Variants in ROBO2 observed in about 807,000 individuals in gnomAD.
The protein encoded by ROBO2 is roundabout guidance receptor 2.
A neutral mutation model predicts 160.8 loss-of-function variants in ROBO2; 53 were observed. The ratio of observed to expected loss-of-function variants is 0.33; its 90% confidence interval spans 0.26 to 0.41. The LOEUF (loss-of-function observed/expected upper bound fraction) is 0.41, where lower values mean the gene tolerates loss of function less well. ROBO2 is among the 10% of genes least tolerant of loss of function. The pLI, the probability that ROBO2 is intolerant of heterozygous loss-of-function variation, is 1.00. For synonymous variants in ROBO2, 664 were observed against 611.7 expected, an observed-to-expected ratio of 1.09 and a Z score of -1.26; for missense variants, 1,577 against 1,722.4, an observed-to-expected ratio of 0.92 and a Z score of 1.49.
chr3:76,065,749 A>ATATATAAG (rs879819524), intron 2 of ROBO2, among the ~76,000 whole-genome samples: 1 of 149,064 alleles, frequency 6.7e-6, no homozygotes, highest in South Asian at 2.1e-4. Context: ...ATATATATAT[A>ATATATAAG]TATACACACA....
intron 8 of ROBO2, among the ~76,000 whole-genome samples, chr3:77,553,042 T>C (rs919524725): frequency 6.6e-6 from 1 of 151,960 alleles, no homozygotes; most frequent in Non-Finnish European, 1.5e-5. Context: ...GCAGATACCA[T>C]GGTTTTTACA....
At chr3:77,414,753 G>A (rs1000919353) in intron 2 of ROBO2, among the ~76,000 whole-genome samples, 10 of 152,186 alleles carry the variant, frequency 6.6e-5, no homozygotes, top group African/African-American at 2.2e-4. Context: ...TCACATTAAT[G>A]TTTGGAAAAT....
chr3:76,276,292 A>G (rs1026710842), intron 2 of ROBO2, among the ~76,000 whole-genome samples: 5 of 152,076 alleles, frequency 3.3e-5, no homozygotes, highest in African/African-American at 1.2e-4. Context: ...TCTAATATCT[A>G]TCAATGTCCA....
intron 2 of ROBO2, among the ~76,000 whole-genome samples, chr3:76,578,810 A>G (rs2085473985): frequency 6.6e-6 from 1 of 152,154 alleles, no homozygotes; most frequent in African/African-American, 2.4e-5. Context: ...CTGTAACTGG[A>G]CACCTAAAGG....
At chr3:76,540,278 T>C (rs2082742575) in intron 2 of ROBO2, among the ~76,000 whole-genome samples, 1 of 152,082 alleles carries the variant, frequency 6.6e-6, no homozygotes, top group Non-Finnish European at 1.5e-5. Flanking sequence ...TGGAGTGAAG[T>C]TGTGCTTCTT....
intron 2 of ROBO2, among the ~76,000 whole-genome samples, chr3:76,300,273 CT>C (rs34823969): frequency 3.3e-5 from 5 of 150,900 alleles, no homozygotes; most frequent in East Asian, 3.9e-4. Context: ...CTGAATAGTT[CT>C]TTTTTTTTGA....
At chr3:77,205,719 T>C (rs1435703183) in intron 2 of ROBO2, among the ~76,000 whole-genome samples, 2 of 152,054 alleles carry the variant, frequency 1.3e-5, no homozygotes, top group Non-Finnish European at 2.9e-5. Flanking sequence ...GTAGAAACAA[T>C]TTTACTTTTT....
At chr3:77,622,823 C>G (rs1053973866) in intron 23 of ROBO2, among the ~76,000 whole-genome samples, 1 of 152,126 alleles carries the variant, frequency 6.6e-6, no homozygotes, top group African/African-American at 2.4e-5. Flanking sequence ...ATATTTCACT[C>G]TGTAAAATCA....
chr3:77,562,588 ATT>A, intron 9 of ROBO2, 61 bp from the exon 11 acceptor site: 1 of 1,162,834 alleles, frequency 8.6e-7, no homozygotes, highest in Non-Finnish European at 1.3e-6. Flanking sequence ...CCTGGCTGTC[ATT>A]GAGTAATTAT....
chr3:76,975,999 CAG>C (rs1055350110), intron 2 of ROBO2, among the ~76,000 whole-genome samples: 1 of 152,148 alleles, frequency 6.6e-6, no homozygotes, highest in African/African-American at 2.4e-5. Flanking sequence ...ATTGGACGTA[CAG>C]AGTCTCGTCT....
intron 2 of ROBO2, among the ~76,000 whole-genome samples, chr3:76,686,674 C>G (rs2092692793): frequency 6.6e-6 from 1 of 152,024 alleles, no homozygotes; most frequent in African/African-American, 2.4e-5. Flanking sequence ...AAATATTTCA[C>G]AGCCAGGTAT....
chr3:76,677,958 C>CT (rs1169307424), intron 2 of ROBO2, among the ~76,000 whole-genome samples: 500 of 29,390 alleles, frequency 0.017, 157 homozygotes, highest in African/African-American at 0.02. Context: ...AGAAAATATG[C>CT]TTTTTTTTTT....
At chr3:76,479,327 C>T (rs2079093786) in intron 2 of ROBO2, among the ~76,000 whole-genome samples, 2 of 152,078 alleles carry the variant, frequency 1.3e-5, no homozygotes, top group Non-Finnish European at 1.5e-5. Flanking sequence ...AATGGCTGTG[C>T]TTTTATGTGT....
chr3:77,508,444 A>G (rs1045888740), intron 5 of ROBO2, among the ~76,000 whole-genome samples: 2 of 148,282 alleles, frequency 1.3e-5, no homozygotes, highest in African/African-American at 4.9e-5. Flanking sequence ...TATATATGTG[A>G]TAGTATAAGA....
intron 2 of ROBO2, among the ~76,000 whole-genome samples, chr3:76,702,139 T>C (rs576067204): frequency 6.6e-6 from 1 of 150,920 alleles, no homozygotes; most frequent in African/African-American, 2.5e-5. Flanking sequence ...AGCTCTTTAA[T>C]TTTTTTTATA....
intron 2 of ROBO2, among the ~76,000 whole-genome samples, chr3:77,371,028 A>G (rs2153476703): frequency 6.6e-6 from 1 of 152,318 alleles, no homozygotes; most frequent in Non-Finnish European, 1.5e-5. Context: ...TCCTGGAAAA[A>G]GAGCGGATAT....
intron 5 of ROBO2, among the ~76,000 whole-genome samples, chr3:77,517,558 G>A (rs947976485): frequency 8.6e-5 from 13 of 151,538 alleles, no homozygotes; most frequent in African/African-American, 3.1e-4. Context: ...CTGTACTGAA[G>A]CTCTTAATTC....
chr3:76,413,537 T>G (rs1456134432), intron 2 of ROBO2, among the ~76,000 whole-genome samples: 1 of 152,122 alleles, frequency 6.6e-6, no homozygotes, highest in African/African-American at 2.4e-5. Flanking sequence ...CTAAATCATC[T>G]CTCTCAAGTT....
At chr3:77,255,516 T>C (rs1273174673) in intron 2 of ROBO2, among the ~76,000 whole-genome samples, 4 of 152,152 alleles carry the variant, frequency 2.6e-5, no homozygotes, top group Non-Finnish European at 5.9e-5. Context: ...ATAAAAGGTG[T>C]CTGGTGGTAA....
Sources: gnomAD v4.1 joint callset for allele counts (sites outside exome capture counted in the v4.1 genomes callset) on GRCh38, gnomAD v4.1.1 for gene constraint, MANE v1.5 for transcripts, NCBI Gene and HGNC (gene_info 2026-07-23, HGNC 2026-07-21) for gene names.